Variants in NEO1 observed in about 807,000 individuals in gnomAD.
NEO1 encodes the protein neogenin.
In NEO1, 63 loss-of-function variants were observed where a neutral mutation model predicts 159.7. The observed-to-expected ratio is 0.39, with a 90% CI of 0.32 to 0.49. The LOEUF (loss-of-function observed/expected upper bound fraction) is 0.49. Among genes scored for constraint, NEO1 ranks in the 20% least tolerant of loss-of-function variants. NEO1 has a pLI of 0.85. For synonymous variants in NEO1, 633 were observed against 662.0 expected (o/e 0.96, Z 0.67); for missense variants, 1,615 against 1,831.0 (o/e 0.88, Z 2.15).
At chr15:73,129,291 T>C (rs1249644058) in intron 4 of NEO1, among the ~76,000 whole-genome samples, 2 of 152,106 alleles carry the variant, frequency 1.3e-5, no homozygotes, top group African/African-American at 4.8e-5. Flanking sequence ...TTATGAGATA[T>C]GTAGATAGGC....
intron 7 of NEO1, among the ~76,000 whole-genome samples, chr15:73,186,853 C>T (rs564164775): frequency 6.6e-6 from 1 of 152,176 alleles, no homozygotes; most frequent in Non-Finnish European, 1.5e-5. Context: ...GTCTCTGTCA[C>T]AGCTACTTAA....
chr15:73,232,878 G>A (rs998131867), intron 7 of NEO1, among the ~76,000 whole-genome samples: 3 of 152,166 alleles, frequency 2.0e-5, no homozygotes, highest in African/African-American at 7.2e-5. Flanking sequence ...CGCTAGCCTG[G>A]TTGAACAATC....
chr15:73,242,652 A>G (rs2039550405), intron 8 of NEO1, among the ~76,000 whole-genome samples: 1 of 152,238 alleles, frequency 6.6e-6, no homozygotes, highest in African/African-American at 2.4e-5. Flanking sequence ...CCTGGGTGAC[A>G]GAGTGAGACC....
chr15:73,105,933 A>T (rs1183698136), intron 1 of NEO1, among the ~76,000 whole-genome samples: 1 of 152,154 alleles, frequency 6.6e-6, no homozygotes, highest in South Asian at 2.1e-4. Context: ...TTTGTAATTA[A>T]TGATTTGTGG....
At chr15:73,248,630 G>A (rs143786796) in intron 9 of NEO1, among the ~76,000 whole-genome samples, 12 of 152,196 alleles carry the variant, frequency 7.9e-5, no homozygotes, top group Non-Finnish European at 1.3e-4. Flanking sequence ...TGTTATAACC[G>A]TTACCTAAAT....
rs114825395 is a variant in NEO1 at position 73,167,641 on chromosome 15, G to A, written c.1016-8762G>A. ...CCAAGTGTACGATGATGAATGAATG[G>A]ATGTTAGATGTTGTGTATACATACA... On this transcript the variant is annotated intron_variant, in intron 5 of 28. Coordinates refer to ENST00000261908, the MANE Select transcript of NEO1 (RefSeq NM_002499.4). Among the ~76,000 whole-genome samples the A allele has an allele frequency of 8.6e-3, 1,303 of 152,294 alleles. 22 individuals carry two copies. Among genetic ancestry groups the A allele is most frequent in the African/African-American group, 0.03 (1,231 of 41,548 alleles).
At chr15:73,184,033 T>C (rs1395157754) in intron 7 of NEO1, among the ~76,000 whole-genome samples, 2 of 152,304 alleles carry the variant, frequency 1.3e-5, no homozygotes, top group Middle Eastern at 3.4e-3. Context: ...AGCCCATCTA[T>C]TGAGAGAGAA....
chr15:73,119,433 A>C (rs1170186369), intron 2 of NEO1, among the ~76,000 whole-genome samples: 1 of 152,174 alleles, frequency 6.6e-6, no homozygotes, highest in Non-Finnish European at 1.5e-5. Context: ...TAAGTATGAG[A>C]GGTCTTTTTC....
rs534726247 is a variant in NEO1, at chr15:73,069,693, C to T, written c.130+16888C>T. 1.1e-4 allele frequency among the ~76,000 whole-genome samples: 17 copies of T among 151,852 alleles called. No individual in the cohort carries two copies. The East Asian group carries it at 2.3e-3, about 21-fold the overall frequency. On this transcript the variant is annotated intron_variant, in intron 1 of 28. Transcript: ENST00000261908. ...ACATACGTATATATATACGCACACA[C>T]GCACATATAATAGATATAATTTACC...
chr15:73,176,883 T>A (rs934699142), intron 6 of NEO1, among the ~76,000 whole-genome samples: 5 of 152,192 alleles, frequency 3.3e-5, no homozygotes, highest in African/African-American at 1.2e-4. Context: ...CGTGTATGTG[T>A]GTCCCCAGTT....
intron 7 of NEO1, among the ~76,000 whole-genome samples, chr15:73,200,225 G>A (rs190435699): frequency 6.6e-6 from 1 of 152,150 alleles, no homozygotes. Flanking sequence ...TAGACATAGG[G>A]CTATTCAGGT....
chr15:73,215,468 CT>C (rs1387633271), intron 7 of NEO1, among the ~76,000 whole-genome samples: 2 of 152,054 alleles, frequency 1.3e-5, no homozygotes, highest in African/African-American at 4.8e-5. Flanking sequence ...TGCTGATTTG[CT>C]GCTAACAATT....
intron 27 of NEO1, 73 bp from the exon 28 acceptor site, chr15:73,301,248 G>C: frequency 6.3e-7 from 1 of 1,592,190 alleles, no homozygotes; most frequent in Non-Finnish European, 8.6e-7. Flanking sequence ...AGCAGCACTT[G>C]GACCTTAGGG....
chr15:73,161,033 T>C (rs2034135785), intron 5 of NEO1, among the ~76,000 whole-genome samples: 1 of 152,122 alleles, frequency 6.6e-6, no homozygotes, highest in African/African-American at 2.4e-5. Flanking sequence ...GTTGCTCCTA[T>C]CACCCAGGAA....
At chr15:73,056,317 A>G (rs373187932) in intron 1 of NEO1, among the ~76,000 whole-genome samples, 1 of 152,196 alleles carries the variant, frequency 6.6e-6, no homozygotes, top group African/African-American at 2.4e-5. Context: ...CTCCTTATCT[A>G]GTCAATGAAT....
At chr15:73,254,956 T>G in intron 13 of NEO1, 127 bp downstream of exon 13, 3 of 1,010,338 alleles carry the variant, frequency 3.0e-6, no homozygotes. Context: ...AGAAAATTTT[T>G]AATGGTTCAA....
At position 73,304,136 on chromosome 15, in the gene NEO1, G is replaced by A. The variant is rs2042709683; in HGVS notation, c.*1440G>A. ...CCACCCCCCCCATCCCAGCAGCTCA[G>A]CTAAGCCCTGATGAGAATGAAGCCA... is the stretch of plus-strand genomic sequence containing the variant. On this transcript the variant is annotated 3_prime_UTR_variant, in exon 29 of 29. Coordinates refer to ENST00000261908, the MANE Select transcript of NEO1 (RefSeq NM_002499.4). 6.6e-6 allele frequency: 1 copy of A among 151,624 alleles called. No individual in the cohort carries two copies. Among genetic ancestry groups the A allele is most frequent in the Non-Finnish European group, 1.5e-5 (1 of 67,962 alleles). 9.4% of individuals were successfully genotyped at this position (151,624 alleles called of 1,614,324 possible).
rs746979885 is a variant in NEO1 at position 73,116,564 on chromosome 15, C to G, written c.155C>G (p.Pro52Arg). Reference sequence around the variant, plus strand: ...GGAGCCAGCATTCGAACGTTCACTCCATTTTATTTTCTGGTGGAGCCGGTG... The same window carrying G: ...GGAGCCAGCATTCGAACGTTCACTCGATTTTATTTTCTGGTGGAGCCGGTG... Reference protein sequence around the residue: ...SPGASIRTFTPFYFLVEPVDT... With the variant: ...SPGASIRTFTRFYFLVEPVDT... Residue 52 changes from proline (P) to arginine (R), a missense_variant, in exon 2 of 29, where the codon CCA (proline) becomes CGA (arginine). Around this residue, in one of 3 missense-constraint regions of NEO1, gnomAD observed 1,018 missense variants for 1,115.4 expected, o/e 0.91. Coordinates refer to ENST00000261908, the MANE Select transcript of NEO1 (RefSeq NM_002499.4). The G allele has an allele frequency of 3.3e-6, 5 of 1,537,922 alleles. No individual in the cohort carries two copies. The highest frequency in any genetic ancestry group is 8.7e-7 in the Non-Finnish European group (1 of 1,148,096).
At chr15:73,212,585 A>G (rs1185991504) in intron 7 of NEO1, among the ~76,000 whole-genome samples, 1 of 152,212 alleles carries the variant, frequency 6.6e-6, no homozygotes, top group Non-Finnish European at 1.5e-5. Flanking sequence ...TTCAGAAGAC[A>G]GTATTTGGCA....
Sources: allele counts gnomAD v4.1 joint callset (sites outside exome capture counted in the v4.1 genomes callset), GRCh38; gene constraint gnomAD v4.1.1; regional missense constraint gnomAD v4.1.1; transcripts MANE v1.5; gene names NCBI Gene and HGNC (gene_info 2026-07-23, HGNC 2026-07-21).